Variants in ZNF846 observed in about 807,000 individuals in gnomAD.
ZNF846 encodes the protein zinc finger protein 846, also known as zinc finger protein 420 pseudogene.
Under a neutral mutation model 16.0 loss-of-function variants are expected in ZNF846, and 15 were observed. That is an observed-to-expected ratio of 0.94 (90% CI 0.63 to 1.45). ZNF846 has a LOEUF of 1.45. Ranked by LOEUF, ZNF846 falls within the 40% of genes most tolerant of loss-of-function variation. ZNF846 has a pLI of 0.00. For synonymous variants in ZNF846, 229 were observed against 212.0 expected, an observed-to-expected ratio of 1.08 and a Z score of -0.70; for missense variants, 714 against 622.3, an observed-to-expected ratio of 1.15 and a Z score of -1.57.
chr19:9,767,535 A>G (rs540950716), intron 1 of ZNF846, among the ~76,000 whole-genome samples: 1 of 152,342 alleles, frequency 6.6e-6, no homozygotes, highest in Non-Finnish European at 1.5e-5. Flanking sequence ...TAGGTGTTCA[A>G]TATTCTGGCC....
At chr19:9,763,500 C>T in intron 2 of ZNF846, 92 bp from the exon 3 acceptor site, 1 of 1,242,580 alleles carries the variant, frequency 8.0e-7, no homozygotes, top group South Asian at 1.8e-5. Context: ...AGACTAGAAG[C>T]CTGCAGTACT....
At chr19:9,781,963 G>GA (rs1167687221) in intron 1 of ZNF846, among the ~76,000 whole-genome samples, 1 of 151,802 alleles carries the variant, frequency 6.6e-6, no homozygotes, top group Non-Finnish European at 1.5e-5. Context: ...TTTTAGTAGA[G>GA]ATGGGGTTTC....
chr19:9,778,339 C>T (rs1239556803), intron 1 of ZNF846, among the ~76,000 whole-genome samples: 1 of 152,096 alleles, frequency 6.6e-6, no homozygotes, highest in African/African-American at 2.4e-5. Context: ...CTGTTGCATC[C>T]CAGACCTCTC....
At chr19:9,776,256 G>T (rs974988644) in intron 1 of ZNF846, among the ~76,000 whole-genome samples, 6 of 152,344 alleles carry the variant, frequency 3.9e-5, no homozygotes, top group Admixed American at 6.5e-5. Flanking sequence ...TGGAGGGCCT[G>T]ACATCAGCCA....
At chr19:9,775,286 C>T (rs909021933) in intron 1 of ZNF846, among the ~76,000 whole-genome samples, 1 of 151,762 alleles carries the variant, frequency 6.6e-6, no homozygotes, top group African/African-American at 2.4e-5. Context: ...TTAAAGTTCA[C>T]ATGGGAGCAC....
chr19:9,778,610 G>C (rs537680087), intron 1 of ZNF846, among the ~76,000 whole-genome samples: 2 of 152,222 alleles, frequency 1.3e-5, no homozygotes, highest in South Asian at 4.1e-4. Flanking sequence ...TTTGAGACCA[G>C]CCTGGCTAAC....
At chr19:9,753,304 T>C (rs566899621), downstream of ZNF846, among the ~76,000 whole-genome samples, 80 of 151,190 alleles carry the variant, frequency 5.3e-4, 4 homozygotes, top group African/African-American at 1.9e-3. Flanking sequence ...CAGGCTGGAA[T>C]GCAGTGGTGT....
intron 1 of ZNF846, among the ~76,000 whole-genome samples, chr19:9,775,415 A>G (rs1485836830): frequency 6.6e-6 from 1 of 152,178 alleles, no homozygotes; most frequent in Non-Finnish European, 1.5e-5. Flanking sequence ...GGAACAGGAA[A>G]CAGACAAATG....
chr19:9,766,568 A>G (rs2045319089), intron 1 of ZNF846, among the ~76,000 whole-genome samples: 1 of 151,994 alleles, frequency 6.6e-6, no homozygotes, highest in African/African-American at 2.4e-5. Context: ...CACCAAGTCC[A>G]TATTTAGTTG....
chr19:9,749,041 C>T (rs1462718001), downstream of ZNF846, among the ~76,000 whole-genome samples: 1 of 152,140 alleles, frequency 6.6e-6, no homozygotes, highest in Non-Finnish European at 1.5e-5. Flanking sequence ...CCCCAACTCC[C>T]GTCCACCTGC....
At chr19:9,762,256 G>A (rs1237799962) in intron 3 of ZNF846, 88 bp from the exon 4 acceptor site, 4 of 919,914 alleles carry the variant, frequency 4.3e-6, no homozygotes, top group South Asian at 1.4e-5. Context: ...TGCCTTCGGG[G>A]ATTCTAAAGA....
At chr19:9,772,051 C>T (rs1009774352), upstream of ZNF846, among the ~76,000 whole-genome samples, 1 of 151,908 alleles carries the variant, frequency 6.6e-6, no homozygotes. Context: ...CAGGTGTGAG[C>T]CACCATGCCC....
chr19:9,784,269 G>C (rs1028347386), intron 1 of ZNF846, among the ~76,000 whole-genome samples: 10 of 152,204 alleles, frequency 6.6e-5, no homozygotes, highest in African/African-American at 2.4e-4. Context: ...CTGGGCAAGG[G>C]GGATGTGGCA....
chr19:9,782,925 C>CTTT (rs59602183), intron 1 of ZNF846, among the ~76,000 whole-genome samples: 4 of 147,380 alleles, frequency 2.7e-5, no homozygotes, highest in African/African-American at 1.0e-4. Flanking sequence ...CTCCCTGTAA[C>CTTT]TTTTTTTTTT....
At chr19:9,782,082 A>AT (rs1447867657) in intron 1 of ZNF846, among the ~76,000 whole-genome samples, 1 of 151,648 alleles carries the variant, frequency 6.6e-6, no homozygotes, top group Non-Finnish European at 1.5e-5. Context: ...CGGCCTAATA[A>AT]TTTTTTTAAG....
chr19:9,749,548 T>A (rs2045068192), downstream of ZNF846, among the ~76,000 whole-genome samples: 1 of 62,778 alleles, frequency 1.6e-5, no homozygotes, highest in Non-Finnish European at 2.8e-5. Flanking sequence ...AAGTCTTTCT[T>A]TTTTTTTTTT....
rs1447256205 is a variant in ZNF846 at position 9,768,502 on chromosome 19, G to T, written c.-299C>A. The T allele has an allele frequency of 6.6e-6, 1 of 152,388 alleles. No homozygotes were observed. The highest frequency in any genetic ancestry group is 1.5e-5 in the Non-Finnish European group (1 of 68,162). The allele number at this position is 152,388 out of a possible 1,614,324, so 9.4% of individuals were successfully genotyped here. On this transcript the variant is annotated 5_prime_UTR_variant, in exon 1 of 6. The change creates a new upstream start codon in the 5' untranslated region. Coordinates refer to ENST00000397902, the Ensembl canonical transcript of ZNF846. The stretch of plus-strand genomic sequence containing the variant: ...CGGGCGCAGCGGGAAGAGGCGCTCA[G>T]AAGAGAAGGCGGGAACCCCCCGCCT...
At chr19:9,775,823 A>C (rs2045435209) in intron 1 of ZNF846, among the ~76,000 whole-genome samples, 1 of 152,210 alleles carries the variant, frequency 6.6e-6, no homozygotes. Flanking sequence ...CTGTTCCAGT[A>C]TAATAAAACA....
intron 3 of ZNF846, 103 bp downstream of exon 3, chr19:9,763,179 G>T: frequency 3.6e-6 from 4 of 1,098,022 alleles, no homozygotes; most frequent in Non-Finnish European, 5.0e-6. Flanking sequence ...ACTGGCCAAG[G>T]TCCATGCCTG....
Sources: allele counts gnomAD v4.1 joint callset (sites outside exome capture counted in the v4.1 genomes callset), GRCh38; gene constraint gnomAD v4.1.1; transcripts MANE v1.5; gene names NCBI Gene and HGNC (gene_info 2026-07-23, HGNC 2026-07-21).